IL6R: variants seen among roughly 807,000 people sequenced by gnomAD.
IL6R encodes interleukin 6 receptor.
In IL6R, 38 loss-of-function variants were observed where a neutral mutation model predicts 48.3. The observed-to-expected ratio is 0.79, with a 90% CI of 0.61 to 1.03. The LOEUF (loss-of-function observed/expected upper bound fraction) is 1.03. IL6R is among the 50% of genes least tolerant of loss of function. The probability of loss-of-function intolerance (pLI) is 0.00; values close to 1 mark genes in which losing one functional copy is unlikely to be tolerated. For missense variants in IL6R, 534 were observed against 618.3 expected, an observed-to-expected ratio of 0.86 and a Z score of 1.45; for synonymous variants, 264 against 256.2, an observed-to-expected ratio of 1.03 and a Z score of -0.29.
At chr1:154,449,828 G>T in intron 7 of IL6R, 83 bp from the exon 8 acceptor site, 1 of 847,420 alleles carries the variant, frequency 1.2e-6, no homozygotes, top group Admixed American at 1.7e-5. Flanking sequence ...GGAGGGCTCT[G>T]AGGAGGAGGT....
At chr1:154,421,369 A>G (rs1276250399) in intron 1 of IL6R, among the ~76,000 whole-genome samples, 1 of 152,208 alleles carries the variant, frequency 6.6e-6, no homozygotes, top group Non-Finnish European at 1.5e-5. Flanking sequence ...TGGGTTTCTG[A>G]GCAGGGACAT....
In IL6R at chr1:154,414,670, C is replaced by T. The variant is rs887094668; in HGVS notation, c.85+8956C>T. On this transcript the variant is annotated intron_variant, in intron 1 of 9. Coordinates refer to ENST00000368485, the MANE Select transcript of IL6R (RefSeq NM_000565.4). ...GGTGTAGCTCTTGGCGAGGATGTTACCCTTGGCCAGGAACACTTTGTTGTA... is the reference window on the plus strand; with the variant it reads ...GGTGTAGCTCTTGGCGAGGATGTTATCCTTGGCCAGGAACACTTTGTTGTA... 1.8e-5 allele frequency: 15 copies of T among 856,532 alleles called. No individual in the cohort carries two copies. The African/African-American group carries it at 2.2e-4, about 12-fold the overall frequency. The allele number at this position is 856,532 out of a possible 1,614,324, so 53.1% of individuals were successfully genotyped here.
intron 6 of IL6R, among the ~76,000 whole-genome samples, chr1:154,447,470 T>TACACACACAC (rs1690305209): frequency 2.0e-5 from 2 of 101,190 alleles, no homozygotes; most frequent in African/African-American, 1.0e-4. Flanking sequence ...TATATATATA[T>TACACACACAC]ATATATACAC....
intron 6 of IL6R, among the ~76,000 whole-genome samples, chr1:154,444,140 T>C (rs1372812801): frequency 6.6e-6 from 1 of 151,768 alleles, no homozygotes; most frequent in Non-Finnish European, 1.5e-5. Context: ...GGGTGATTCC[T>C]AAACGTTGGG....
intron 9 of IL6R, among the ~76,000 whole-genome samples, chr1:154,459,826 A>G (rs1304306054): frequency 6.6e-6 from 1 of 152,134 alleles, no homozygotes; most frequent in Non-Finnish European, 1.5e-5. Context: ...TTTTCTGCAT[A>G]TTTATCTAGA....
chr1:154,407,652 G>T (rs1408668332), intron 1 of IL6R, among the ~76,000 whole-genome samples: 1 of 152,206 alleles, frequency 6.6e-6, no homozygotes, highest in Non-Finnish European at 1.5e-5. Context: ...GGAGCAGAGG[G>T]GGAGCAGAGG....
chr1:154,417,239 G>A (rs1455966467), intron 1 of IL6R, among the ~76,000 whole-genome samples: 1 of 152,192 alleles, frequency 6.6e-6, no homozygotes, highest in South Asian at 2.1e-4. Context: ...GTTAAGCCTG[G>A]ACCGAGAGTC....
intron 7 of IL6R, among the ~76,000 whole-genome samples, chr1:154,448,878 T>C (rs28638007): frequency 0.087 from 2,334 of 26,838 alleles, 198 homozygotes; most frequent in African/African-American, 0.23. Context: ...GTAAGGGCTT[T>C]TTTTTTTTTT....
intron 9 of IL6R, among the ~76,000 whole-genome samples, chr1:154,458,894 C>G (rs1691077923): frequency 7.1e-6 from 1 of 140,320 alleles, no homozygotes. Flanking sequence ...GAAGGAGACT[C>G]CATCTCAAAA....
chr1:154,410,641 G>A (rs1244464946), intron 1 of IL6R, among the ~76,000 whole-genome samples: 1 of 152,218 alleles, frequency 6.6e-6, no homozygotes, highest in Non-Finnish European at 1.5e-5. Context: ...CAAAGGCAGA[G>A]GCTTTTCTGC....
chr1:154,430,338 T>C, intron 2 of IL6R, 145 bp from the exon 3 acceptor site: 1 of 930,876 alleles, frequency 1.1e-6, no homozygotes, highest in Non-Finnish European at 1.6e-6. Context: ...TGTGGCTGAG[T>C]GTGGCCAGGG....
chr1:154,406,218 G>A (rs919005445), intron 1 of IL6R, among the ~76,000 whole-genome samples: 2 of 152,206 alleles, frequency 1.3e-5, no homozygotes, highest in Admixed American at 1.3e-4. Context: ...GGATGACAGT[G>A]CCCTGACTAT....
At position 154,405,566 on chromosome 1, in the gene IL6R, C is replaced by T; in HGVS notation, c.-64C>T. The stretch of plus-strand genomic sequence containing the variant: ...CCCCGCCCCGCCCCTGCCACCCCTG[C>T]CGCCCGGTTCCCATTAGCCTGTCCG... On this transcript the variant is annotated 5_prime_UTR_variant, in exon 1 of 10. Coordinates refer to ENST00000368485, the MANE Select transcript of IL6R (RefSeq NM_000565.4). This position sits in a 1 kb window ranked among gnomAD's most constrained non-coding sequence, Gnocchi z 5.2. The T allele has an allele frequency of 2.5e-6, 3 of 1,188,720 alleles. No individual in the cohort carries two copies. Among genetic ancestry groups the T allele is most frequent in the Non-Finnish European group, 3.5e-6 (3 of 861,992 alleles). The allele number at this position is 1,188,720 out of a possible 1,614,324, so 73.6% of individuals were successfully genotyped here.
At chr1:154,445,682 G>A (rs560573151) in intron 6 of IL6R, among the ~76,000 whole-genome samples, 10 of 151,614 alleles carry the variant, frequency 6.6e-5, no homozygotes, top group East Asian at 3.9e-4. Context: ...CCCAGGAGGC[G>A]GAGCTTGCAG....
intron 1 of IL6R, among the ~76,000 whole-genome samples, chr1:154,426,161 G>GACATAC (rs1688954060): frequency 8.4e-6 from 1 of 118,572 alleles, no homozygotes; most frequent in Non-Finnish European, 1.8e-5. Context: ...CCCTGTATCA[G>GACATAC]ACACACACAC....
intron 2 of IL6R, 143 bp from the exon 3 acceptor site, chr1:154,430,340 T>C (rs1689220761): frequency 1.0e-6 from 1 of 959,622 alleles, no homozygotes; most frequent in African/African-American, 1.7e-5. Context: ...TGGCTGAGTG[T>C]GGCCAGGGTC....
intron 1 of IL6R, chr1:154,414,866 G>T: frequency 1.3e-6 from 1 of 774,302 alleles, no homozygotes. Context: ...TAGGCTGACT[G>T]GGGAAGCTGT....
chr1:154,410,492 TC>T (rs1397904937), intron 1 of IL6R, among the ~76,000 whole-genome samples: 1 of 152,208 alleles, frequency 6.6e-6, no homozygotes, highest in Non-Finnish European at 1.5e-5. Context: ...CTCAAGCAGT[TC>T]ACCCGCCTTG....
In IL6R at chr1:154,405,468, A is replaced by G. The variant is rs1477027111; in HGVS notation, c.-162A>G. 1 of 604,038 alleles carries G rather than the reference A, an allele frequency of 1.7e-6. No homozygotes were observed. Among genetic ancestry groups the G allele is most frequent in the Non-Finnish European group, 2.7e-6 (1 of 366,704 alleles). 37.4% of individuals were successfully genotyped at this position (604,038 alleles called of 1,614,324 possible). ...CGCGGCGCGGGGCCGAGGGACTCGCAGTGTGTGTAGAGAGCCGGGCTCCTG... is the reference window on the plus strand; with the variant it reads ...CGCGGCGCGGGGCCGAGGGACTCGCGGTGTGTGTAGAGAGCCGGGCTCCTG... On this transcript the variant is annotated 5_prime_UTR_variant, in exon 1 of 10. Coordinates refer to ENST00000368485, the MANE Select transcript of IL6R (RefSeq NM_000565.4). The surrounding 1 kb of genome is among the most constrained non-coding windows in gnomAD (Gnocchi z 5.2).
Sources: allele counts gnomAD v4.1 joint callset (sites outside exome capture counted in the v4.1 genomes callset), GRCh38; gene constraint gnomAD v4.1.1; non-coding constraint Gnocchi (gnomAD v3.1); transcripts MANE v1.5; gene names NCBI Gene and HGNC (gene_info 2026-07-23, HGNC 2026-07-21).